CADPS2: variants seen among roughly 807,000 people sequenced by gnomAD.
CADPS2 encodes calcium dependent secretion activator 2, also known as calcium-dependent secretion activator 2.
Under a neutral mutation model 172.5 loss-of-function variants are expected in CADPS2, and 93 were observed. The ratio of observed to expected loss-of-function variants is 0.54; its 90% confidence interval spans 0.46 to 0.64. The LOEUF (loss-of-function observed/expected upper bound fraction) is 0.64, where lower values mean the gene tolerates loss of function less well. CADPS2 is among the 30% of genes least tolerant of loss of function. The pLI is 0.00. For synonymous variants in CADPS2, 546 were observed against 555.2 expected (o/e 0.98, Z 0.23); for missense variants, 1,420 against 1,565.9 (o/e 0.91, Z 1.57).
At chr7:122,609,585 C>G (rs1312626078) in intron 6 of CADPS2, among the ~76,000 whole-genome samples, 2 of 152,130 alleles carry the variant, frequency 1.3e-5, no homozygotes, top group Admixed American at 1.3e-4. Flanking sequence ...ATTACATTGC[C>G]TCACCGTTAC....
intron 1 of CADPS2, among the ~76,000 whole-genome samples, chr7:122,866,337 A>G (rs914943680): frequency 6.6e-6 from 1 of 151,978 alleles, no homozygotes; most frequent in African/African-American, 2.4e-5. Flanking sequence ...TTCTTCTTCT[A>G]CTCTTGCCCC....
chr7:122,374,053 A>G (rs2151293941), intron 25 of CADPS2, among the ~76,000 whole-genome samples: 1 of 152,268 alleles, frequency 6.6e-6, no homozygotes, highest in East Asian at 1.9e-4. Context: ...ATCATACACC[A>G]TCACCAAATG....
chr7:122,840,687 A>C (rs1206774377), intron 1 of CADPS2, among the ~76,000 whole-genome samples: 2 of 152,122 alleles, frequency 1.3e-5, no homozygotes, highest in African/African-American at 4.8e-5. Flanking sequence ...AGGCTGAGGC[A>C]GGAAGATATC....
In CADPS2 at chr7:122,645,681, A is replaced by ATATC. The variant is rs796988558; in HGVS notation, c.787-16354_787-16353insGATA. Among the ~76,000 whole-genome samples the ATATC allele has an allele frequency of 2.5e-3, 291 of 116,816 alleles. 2 individuals carry two copies. Among genetic ancestry groups the ATATC allele is most frequent in the African/African-American group, 8.3e-3 (262 of 31,406 alleles). 76.6% of individuals were successfully genotyped at this position (116,816 alleles called of 152,430 possible). ...AAGATATATATATATATATATATAT[A>ATATC]TCTTGGGATTTTGCTCTTAGTTAGA... On this transcript the variant is annotated intron_variant, in intron 3 of 29. Transcript: ENST00000449022.
chr7:122,503,516 A>G (rs2059383721), intron 9 of CADPS2, among the ~76,000 whole-genome samples: 1 of 152,190 alleles, frequency 6.6e-6, no homozygotes. Flanking sequence ...TAAGGGACAC[A>G]TTGGCAAAAT....
chr7:122,735,362 A>C (rs2137738443), intron 2 of CADPS2, among the ~76,000 whole-genome samples: 1 of 152,200 alleles, frequency 6.6e-6, no homozygotes. Context: ...CATGTTTCAA[A>C]CCTGATCACT....
intron 8 of CADPS2, among the ~76,000 whole-genome samples, chr7:122,530,395 T>G (rs1172186192): frequency 6.6e-6 from 1 of 151,550 alleles, no homozygotes; most frequent in East Asian, 1.9e-4. Context: ...TTTTAAAAAG[T>G]GAGTAAAATG....
chr7:122,399,656 GTTTCTTTTTTTTTTTTTT>G (rs2045642400), intron 20 of CADPS2, among the ~76,000 whole-genome samples: 2 of 94,552 alleles, frequency 2.1e-5, no homozygotes, highest in Non-Finnish European at 2.4e-5. Context: ...TCAAGGGTGG[GTTTCTTTTTTTTTTTTTT>G]TTTTTTTTTT....
chr7:122,327,484 T>G (rs1434205809), intron 28 of CADPS2, among the ~76,000 whole-genome samples: 3 of 152,158 alleles, frequency 2.0e-5, no homozygotes, highest in Non-Finnish European at 4.4e-5. Flanking sequence ...TTACGAAGCC[T>G]AACATAACAT....
intron 2 of CADPS2, among the ~76,000 whole-genome samples, chr7:122,688,187 T>C (rs1405020746): frequency 6.6e-6 from 1 of 152,200 alleles, no homozygotes; most frequent in Non-Finnish European, 1.5e-5. Context: ...TGTTGGTAAA[T>C]TGGAGATGAA....
At chr7:122,346,008 T>C (rs1436816530) in intron 27 of CADPS2, among the ~76,000 whole-genome samples, 2 of 151,268 alleles carry the variant, frequency 1.3e-5, no homozygotes, top group Admixed American at 6.6e-5. Flanking sequence ...TTTCCATGTG[T>C]AATTATAATT....
chr7:122,761,874 G>A (rs934517379), intron 1 of CADPS2, among the ~76,000 whole-genome samples: 3 of 149,718 alleles, frequency 2.0e-5, no homozygotes, highest in Non-Finnish European at 3.0e-5. Context: ...GGCATGCACC[G>A]GTAATCCTAG....
chr7:122,868,847 G>C lies in CADPS2; in HGVS notation c.339+17152C>G, dbSNP rs926168702. ...AACAAACTGATAATTTCAACGAAGA[G>C]ATAGAACATATTAAAAACTACTAAA... On this transcript the variant is annotated intron_variant, in intron 1 of 29. Transcript: ENST00000449022. Among the ~76,000 whole-genome samples, 3 of 152,266 alleles carry C rather than the reference G, an allele frequency of 2.0e-5. No individual in the cohort carries two copies. In the South Asian group the frequency reaches 6.2e-4, roughly 32 times the overall value.
At chr7:122,566,571 T>C (rs2066504766) in intron 7 of CADPS2, among the ~76,000 whole-genome samples, 1 of 152,148 alleles carries the variant, frequency 6.6e-6, no homozygotes, top group Admixed American at 6.6e-5. Context: ...TGACTTTGAA[T>C]AGCTCTGAGA....
chr7:122,680,773 T>C (rs908260864), intron 2 of CADPS2, among the ~76,000 whole-genome samples: 1 of 152,096 alleles, frequency 6.6e-6, no homozygotes, highest in Admixed American at 6.6e-5. Flanking sequence ...GCCATCCCAT[T>C]ACTGGGTATA....
intron 12 of CADPS2, among the ~76,000 whole-genome samples, chr7:122,477,080 G>A (rs1203704175): frequency 6.7e-6 from 1 of 149,786 alleles, no homozygotes; most frequent in Non-Finnish European, 1.5e-5. Context: ...GAGAGAGAGA[G>A]AGGGAGAGAG....
chr7:122,414,049 TG>T lies in CADPS2; in HGVS notation c.2589+18del. ...GAGGTATCCTATGCTAATAAAATAG[TG>T]GAAATCATTTTACTCACCTCTCTTC... is the stretch of plus-strand genomic sequence containing the variant. On this transcript the variant is annotated intron_variant, in intron 19 of 29. Transcript: ENST00000449022. 1 of 1,555,838 alleles carries T rather than the reference TG, an allele frequency of 6.4e-7. No individual in the cohort carries two copies. The highest frequency in any genetic ancestry group is 8.6e-7 in the Non-Finnish European group (1 of 1,161,152).
intron 2 of CADPS2, chr7:122,681,169 C>A (rs540059834): frequency 1.5e-5 from 8 of 548,112 alleles, no homozygotes; most frequent in East Asian, 1.1e-4. Context: ...GGGAGATATA[C>A]CTAATGCTAG....
intron 1 of CADPS2, among the ~76,000 whole-genome samples, chr7:122,817,648 G>T (rs538028565): frequency 2.6e-5 from 4 of 151,938 alleles, no homozygotes; most frequent in Non-Finnish European, 5.9e-5. Flanking sequence ...CTGGGAAAGG[G>T]GCAAGTACCC....
Sources: allele counts gnomAD v4.1 joint callset (sites outside exome capture counted in the v4.1 genomes callset), GRCh38; gene constraint gnomAD v4.1.1; transcripts MANE v1.5; gene names NCBI Gene and HGNC (gene_info 2026-07-23, HGNC 2026-07-21).